The following VAV3 variants were observed in gnomAD, a reference collection of about 807,000 sequenced individuals.
VAV3 encodes vav guanine nucleotide exchange factor 3.
A neutral mutation model predicts 131.2 loss-of-function variants in VAV3; 94 were observed. That is an observed-to-expected ratio of 0.72 (90% CI 0.61 to 0.85). The LOEUF is 0.85. VAV3 is among the 40% of genes least tolerant of loss of function. The probability of loss-of-function intolerance (pLI) is 0.00; values close to 1 mark genes in which losing one functional copy is unlikely to be tolerated. For missense variants in VAV3, 939 were observed against 1,002.7 expected (o/e 0.94, Z 0.86); for synonymous variants, 349 against 342.0 (o/e 1.02, Z -0.22).
At chr1:107,636,397 G>A (rs941917292) in intron 20 of VAV3, among the ~76,000 whole-genome samples, 3 of 152,148 alleles carry the variant, frequency 2.0e-5, no homozygotes, top group Admixed American at 1.3e-4. Context: ...AACTGAAAGA[G>A]CAATTAGAAA....
intron 1 of VAV3, among the ~76,000 whole-genome samples, chr1:107,962,271 A>G (rs1341718916): frequency 6.6e-6 from 1 of 152,216 alleles, no homozygotes; most frequent in Non-Finnish European, 1.5e-5. Flanking sequence ...GGGTTGTACC[A>G]GGTTAATAGT....
At chr1:107,586,970 G>A (rs944174468) in intron 25 of VAV3, among the ~76,000 whole-genome samples, 5 of 152,080 alleles carry the variant, frequency 3.3e-5, no homozygotes, top group African/African-American at 9.7e-5. Context: ...TCCCTTGAGT[G>A]TTCAAGCAAA....
At chr1:107,710,982 A>T (rs1660750819) in intron 15 of VAV3, among the ~76,000 whole-genome samples, 1 of 152,154 alleles carries the variant, frequency 6.6e-6, no homozygotes. Flanking sequence ...AATATAAAAC[A>T]CTATCACAAT....
intron 2 of VAV3, among the ~76,000 whole-genome samples, chr1:107,782,008 T>G (rs930391162): frequency 1.3e-5 from 2 of 152,188 alleles, no homozygotes; most frequent in African/African-American, 2.4e-5. Context: ...CAGTACAGTA[T>G]CCAGACCCTT....
chr1:107,711,877 G>A (rs1660803956), intron 15 of VAV3, among the ~76,000 whole-genome samples: 1 of 151,962 alleles, frequency 6.6e-6, no homozygotes. Flanking sequence ...ATAGAGACGG[G>A]GTTTCACCAT....
At position 107,755,526 on chromosome 1, in the gene VAV3, GA is replaced by G; in HGVS notation, c.1087-14del. 6.3e-7 allele frequency: 1 copy of G among 1,587,470 alleles called. No individual in the cohort carries two copies. Among genetic ancestry groups the G allele is most frequent in the Non-Finnish European group, 8.6e-7 (1 of 1,159,214 alleles). ...ATTGTGCCAAGTCCTAGACAATAAAGAAAAGGGTAGAAAAAGAAGGCACACT... is the reference window on the plus strand; with the variant it reads ...ATTGTGCCAAGTCCTAGACAATAAAGAAAGGGTAGAAAAAGAAGGCACACT... On this transcript the variant is annotated splice_polypyrimidine_tract_variant and intron_variant, in intron 11 of 26. Coordinates refer to ENST00000370056, the MANE Select transcript of VAV3 (RefSeq NM_006113.5).
At chr1:107,884,590 C>T (rs559724917) in intron 1 of VAV3, among the ~76,000 whole-genome samples, 1 of 151,640 alleles carries the variant, frequency 6.6e-6, no homozygotes, top group African/African-American at 2.4e-5. Context: ...GGACTACAGG[C>T]AGGCACCACC....
At chr1:107,720,626 T>C (rs1402549973) in intron 15 of VAV3, among the ~76,000 whole-genome samples, 3 of 152,058 alleles carry the variant, frequency 2.0e-5, no homozygotes, top group Non-Finnish European at 4.4e-5. Context: ...TGCAGTGAGC[T>C]GAGATCGCAC....
chr1:107,740,083 T>C (rs973295295), intron 15 of VAV3, among the ~76,000 whole-genome samples: 2 of 152,198 alleles, frequency 1.3e-5, no homozygotes, highest in Non-Finnish European at 2.9e-5. Context: ...GGTCAGAAGT[T>C]TGAGACCAGC....
chr1:107,771,485 C>T (rs1280694032), intron 5 of VAV3, among the ~76,000 whole-genome samples: 1 of 152,158 alleles, frequency 6.6e-6, no homozygotes, highest in Non-Finnish European at 1.5e-5. Flanking sequence ...GATCTCCTGA[C>T]CTCATGATCT....
intron 15 of VAV3, among the ~76,000 whole-genome samples, chr1:107,740,065 T>A (rs538962168): frequency 9.8e-5 from 15 of 152,326 alleles, no homozygotes; most frequent in African/African-American, 2.9e-4. Context: ...GATGTGCGGA[T>A]CACCTGAGGT....
Position 107,573,012 on chromosome 1 carries a change from CAGA to C in VAV3, c.*316_*318del. The stretch of plus-strand genomic sequence containing the variant: ...ATGACTGGCATTCATGGTATCTGAC[CAGA>C]AGAAGTAAAGGGAAGCACGAACCAA... On this transcript the variant is annotated 3_prime_UTR_variant, in exon 27 of 27. Transcript: ENST00000370056. 3.0e-6 allele frequency: 1 copy of C among 336,618 alleles called. No individual in the cohort carries two copies. The highest frequency in any genetic ancestry group is 5.3e-6 in the Non-Finnish European group (1 of 187,156). 20.9% of individuals were successfully genotyped at this position (336,618 alleles called of 1,614,324 possible).
rs1408721878 is a variant in VAV3 at position 107,572,821 on chromosome 1, T to C, written c.*510A>G. The C allele has an allele frequency of 6.5e-6, 1 of 153,258 alleles. No individual in the cohort carries two copies. Among genetic ancestry groups the C allele is most frequent in the African/African-American group, 2.4e-5 (1 of 41,448 alleles). The allele number at this position is 153,258 out of a possible 1,614,324, so 9.5% of individuals were successfully genotyped here. ...GGCAATGAGTCACCTTGTTGGACAA[T>C]TTAAGACAAGTAAGGCTGGATCTTT... is the stretch of plus-strand genomic sequence containing the variant. On this transcript the variant is annotated 3_prime_UTR_variant, in exon 27 of 27. Transcript: ENST00000370056.
intron 20 of VAV3, among the ~76,000 whole-genome samples, chr1:107,629,919 C>A (rs892916355): frequency 2.0e-5 from 3 of 152,142 alleles, no homozygotes; most frequent in Non-Finnish European, 4.4e-5. Context: ...CAAAATCTGA[C>A]TTCCCACACT....
At chr1:107,576,862 T>C (rs1193382041) in intron 25 of VAV3, among the ~76,000 whole-genome samples, 1 of 152,226 alleles carries the variant, frequency 6.6e-6, no homozygotes, top group Non-Finnish European at 1.5e-5. Flanking sequence ...ATGGTATCAA[T>C]GAAACATGCA....
At chr1:107,583,446 T>C (rs1650232851) in intron 25 of VAV3, among the ~76,000 whole-genome samples, 1 of 152,064 alleles carries the variant, frequency 6.6e-6, no homozygotes, top group Admixed American at 6.6e-5. Context: ...GGGTATTCAG[T>C]TAGGAAAAGA....
chr1:107,624,374 C>CTGTGTGTGTGTG (rs59476510), intron 20 of VAV3, among the ~76,000 whole-genome samples: 33 of 143,324 alleles, frequency 2.3e-4, no homozygotes, highest in East Asian at 6.1e-4. Flanking sequence ...AGTCTTATGA[C>CTGTGTGTGTGTG]TGTGTGTGTG....
chr1:107,755,680 G>T (rs530195023), intron 11 of VAV3, among the ~76,000 whole-genome samples, 167 bp from the exon 12 acceptor site: 1 of 152,070 alleles, frequency 6.6e-6, no homozygotes, highest in Non-Finnish European at 1.5e-5. Flanking sequence ...CATCACAGAG[G>T]CAATTTTAAA....
chr1:107,732,498 C>G (rs1013130129), intron 15 of VAV3, among the ~76,000 whole-genome samples: 1 of 152,160 alleles, frequency 6.6e-6, no homozygotes, highest in South Asian at 2.1e-4. Flanking sequence ...AAAATCGGGA[C>G]ACTCCCGCCT....
Sources: gnomAD v4.1 joint callset for allele counts (sites outside exome capture counted in the v4.1 genomes callset) on GRCh38, gnomAD v4.1.1 for gene constraint, MANE v1.5 for transcripts, NCBI Gene and HGNC (gene_info 2026-07-23, HGNC 2026-07-21) for gene names.